Variants in TEX14 observed in about 807,000 individuals in gnomAD.
TEX14 encodes testis expressed 14, intercellular bridge forming factor.
In TEX14, 168 loss-of-function variants were observed where a neutral mutation model predicts 178.6. The observed-to-expected ratio is 0.94, with a 90% CI of 0.83 to 1.07. TEX14 has a LOEUF of 1.07. TEX14 is among the 50% of genes least tolerant of loss of function. TEX14 has a pLI of 0.00. For synonymous variants in TEX14, 626 were observed against 634.1 expected, an observed-to-expected ratio of 0.99 and a Z score of 0.19; for missense variants, 1,730 against 1,753.6, an observed-to-expected ratio of 0.99 and a Z score of 0.24.
At chr17:58,628,730 C>T (rs1283080027) in intron 3 of TEX14, among the ~76,000 whole-genome samples, 2 of 135,248 alleles carry the variant, frequency 1.5e-5, no homozygotes, top group East Asian at 4.4e-4. Context: ...AAAAAGACTA[C>T]AAAAATTAGC....
intron 11 of TEX14, among the ~76,000 whole-genome samples, chr17:58,604,144 T>C (rs1205587120): frequency 6.6e-6 from 1 of 151,772 alleles, no homozygotes; most frequent in African/African-American, 2.4e-5. Context: ...ATACCACACA[T>C]AGATCATAAG....
intron 14 of TEX14, among the ~76,000 whole-genome samples, chr17:58,597,948 A>G (rs1013565122): frequency 2.0e-5 from 3 of 151,962 alleles, no homozygotes; most frequent in Non-Finnish European, 4.4e-5. Flanking sequence ...TCTTTGATCC[A>G]CCAGGTCCCT....
At chr17:58,578,216 T>A (rs2052033938) in intron 20 of TEX14, among the ~76,000 whole-genome samples, 1 of 152,230 alleles carries the variant, frequency 6.6e-6, no homozygotes, top group Non-Finnish European at 1.5e-5. Context: ...CAAGGAGCTC[T>A]GAAACCCCAC....
chr17:58,573,662 G>T (rs1377006327), intron 22 of TEX14, among the ~76,000 whole-genome samples: 1 of 152,076 alleles, frequency 6.6e-6, no homozygotes, highest in African/African-American at 2.4e-5. Flanking sequence ...GGGACTACAA[G>T]CGTGTGCCAC....
rs537592424 is a variant in TEX14 at position 58,685,645 on chromosome 17, C to G, written c.-2+6294G>C. Among the ~76,000 whole-genome samples, 8 of 151,590 alleles carry G rather than the reference C, an allele frequency of 5.3e-5. No homozygotes were observed. The South Asian group carries it at 1.3e-3, about 24-fold the overall frequency. The stretch of plus-strand genomic sequence containing the variant: ...GAAGGTAAAGAGGAAAAACAGGGGC[C>G]AAAACATGCAAGCTTTTTTTAAGCC... On this transcript the variant is annotated intron_variant, in intron 1 of 31. Transcript: ENST00000349033.
intron 1 of TEX14, chr17:58,660,946 C>T (rs376483972): frequency 5.6e-6 from 6 of 1,073,024 alleles, no homozygotes; most frequent in Non-Finnish European, 5.8e-6. Flanking sequence ...CTCCCAGGAT[C>T]TTTATTTCCT....
chr17:58,613,487 T>C lies in TEX14; in HGVS notation c.939A>G (p.Leu313=), dbSNP rs8077548. 0.093 allele frequency: 150,452 copies of C among 1,613,804 alleles called. 11,564 individuals carry two copies. Among genetic ancestry groups the C allele is most frequent in the African/African-American group, 0.29 (21,601 of 74,932 alleles). ...QLMAVCLSQD[L]EKTRLVYERI... Reference sequence around the variant, plus strand: ...GCTCGTACACAAGGCGGGTTTTCTCTAGGTCCTGGGAGAGACACACAGCCA... The same window carrying C: ...GCTCGTACACAAGGCGGGTTTTCTCCAGGTCCTGGGAGAGACACACAGCCA... Residue 313 remains leucine, a synonymous_variant, in exon 9 of 32, where the codon CTA becomes CTG. Transcript: ENST00000349033.
chr17:58,628,045 C>A (rs1437680298), intron 3 of TEX14, among the ~76,000 whole-genome samples: 3 of 151,074 alleles, frequency 2.0e-5, no homozygotes, highest in Non-Finnish European at 4.4e-5. Context: ...TGAGCTACTG[C>A]ATCTGGCTGA....
At chr17:58,676,553 T>A (rs1370617631) in intron 1 of TEX14, among the ~76,000 whole-genome samples, 1 of 151,946 alleles carries the variant, frequency 6.6e-6, no homozygotes, top group Non-Finnish European at 1.5e-5. Context: ...AGAGTGAAAC[T>A]CCATCTCAAA....
At chr17:58,662,386 T>C (rs1230388658) in intron 1 of TEX14, among the ~76,000 whole-genome samples, 1 of 150,180 alleles carries the variant, frequency 6.7e-6, no homozygotes, top group Non-Finnish European at 1.5e-5. Context: ...ATACATATTA[T>C]GTGTGTACAG....
chr17:58,578,060 T>C (rs959499515), intron 20 of TEX14, among the ~76,000 whole-genome samples: 1 of 152,172 alleles, frequency 6.6e-6, no homozygotes, highest in Admixed American at 6.5e-5. Flanking sequence ...TGTACTGTCC[T>C]AGTTAATAAA....
At chr17:58,664,478 G>A (rs1332572874) in intron 1 of TEX14, among the ~76,000 whole-genome samples, 1 of 152,184 alleles carries the variant, frequency 6.6e-6, no homozygotes, top group Non-Finnish European at 1.5e-5. Context: ...CTTACATGTA[G>A]CACATACTTC....
intron 26 of TEX14, chr17:58,567,817 T>C (rs1265996189): frequency 6.6e-6 from 1 of 152,232 alleles, no homozygotes; most frequent in African/African-American, 2.4e-5. Flanking sequence ...CAGACTGTGC[T>C]GGGGTGCAGC....
intron 22 of TEX14, among the ~76,000 whole-genome samples, chr17:58,573,970 G>T (rs2044607059): frequency 1.3e-5 from 2 of 152,024 alleles, no homozygotes; most frequent in Non-Finnish European, 2.9e-5. Context: ...TTATTATTAT[G>T]ATTATTATTA....
At chr17:58,638,854 CT>C (rs1210311633) in intron 2 of TEX14, among the ~76,000 whole-genome samples, 8,303 of 74,890 alleles carry the variant, frequency 0.11, 561 homozygotes, top group East Asian at 0.25. Context: ...GACTATTATT[CT>C]TTTTTTTTTT....
intron 1 of TEX14, among the ~76,000 whole-genome samples, chr17:58,668,437 T>C (rs564915746): frequency 6.6e-6 from 1 of 152,340 alleles, no homozygotes; most frequent in South Asian, 2.1e-4. Context: ...GTGGAGGAAG[T>C]AACTGGAGCC....
chr17:58,622,655 C>G (rs146173352), intron 4 of TEX14, among the ~76,000 whole-genome samples, 192 bp downstream of exon 4: 1 of 152,172 alleles, frequency 6.6e-6, no homozygotes, highest in Non-Finnish European at 1.5e-5. Context: ...CCTTTCCCAT[C>G]GAATACGATG....
At chr17:58,630,903 G>A (rs2046272088) in intron 2 of TEX14, among the ~76,000 whole-genome samples, 2 of 152,172 alleles carry the variant, frequency 1.3e-5, no homozygotes, top group Middle Eastern at 6.8e-3. Context: ...CATAAAAAGA[G>A]CTCAATGGAA....
intron 19 of TEX14, among the ~76,000 whole-genome samples, chr17:58,584,148 GC>G (rs1263369104): frequency 6.6e-6 from 1 of 152,154 alleles, no homozygotes; most frequent in Non-Finnish European, 1.5e-5. Context: ...TAGCAACCCT[GC>G]CCTTGCTTTT....
Sources: allele counts gnomAD v4.1 joint callset (sites outside exome capture counted in the v4.1 genomes callset), GRCh38; gene constraint gnomAD v4.1.1; transcripts MANE v1.5; gene names NCBI Gene and HGNC (gene_info 2026-07-23, HGNC 2026-07-21).